The following MID1IP1 variants were observed in gnomAD, a reference collection of about 807,000 sequenced individuals.
The protein encoded by MID1IP1 is mid1-interacting protein 1.
MID1IP1 carries 3 observed loss-of-function variants against 6.8 expected under a neutral mutation model. The ratio of observed to expected loss-of-function variants is 0.44; its 90% CI spans 0.20 to 1.14. The LOEUF is 1.14. Among genes scored for constraint, MID1IP1 ranks in the 50% most tolerant of loss-of-function variants. MID1IP1 has a pLI of 0.26. For synonymous variants in MID1IP1, 87 were observed against 70.4 expected (o/e 1.24, Z -1.18); for missense variants, 127 against 158.4 (o/e 0.80, Z 1.06).
Position 38,805,481 on chromosome X carries a change from G to C in MID1IP1, c.535G>C (p.Gly179Arg), listed in dbSNP as rs751607387. 6 of 1,209,493 alleles carry C rather than the reference G, an allele frequency of 5.0e-6. No individual in the cohort carries two copies. Among genetic ancestry groups the C allele is most frequent in the Middle Eastern group, 2.3e-4 (1 of 4,342 alleles). The change falls in exon 3 of 3, where the codon GGC becomes CGC. Residue 179 changes from glycine (G) to arginine (R), a missense_variant. Gly to Arg is a moderately radical substitution (Grantham distance 125). Transcript: ENST00000614558. Reference protein sequence around the residue: ...TNRYKQEIGFGNWGH With the variant: ...TNRYKQEIGFRNWGH ...CAGATACAAGCAGGAGATCGGCTTCGGCAATTGGGGCCACTGAGGCGTGGC... is the reference window on the plus strand; with the variant it reads ...CAGATACAAGCAGGAGATCGGCTTCCGCAATTGGGGCCACTGAGGCGTGGC...
chrX:38,804,995 G>A lies in MID1IP1; in HGVS notation c.49G>A (p.Ala17Thr), dbSNP rs2070499233. The A allele has an allele frequency of 1.7e-6, 2 of 1,199,409 alleles. No individual in the cohort carries two copies. The highest frequency in any genetic ancestry group is 2.3e-6 in the Non-Finnish European group (2 of 887,037). Residue 17 changes from alanine to threonine, a missense_variant, in exon 3 of 3, where the codon GCC becomes ACC. Transcript: ENST00000614558. ...TYNQKHSLFN[A>T]MNRFIGAVNN... is the part of the protein sequence containing the mutation. ...CAACCAGAAGCACTCGCTCTTTAAC[G>A]CCATGAATCGCTTCATTGGCGCCGT... is the stretch of plus-strand genomic sequence containing the variant.
At position 38,805,477 on chromosome X, in the gene MID1IP1, C is replaced by T. The variant is rs1334248814; in HGVS notation, c.531C>T (p.Gly177=). 3.3e-6 allele frequency: 4 copies of T among 1,209,887 alleles called. No homozygotes were observed. The Admixed American group carries it at 8.7e-5, about 26-fold the overall frequency. ...ILTNRYKQEI[G]FGNWGH is the part of the protein sequence containing the mutation. ...CTAACAGATACAAGCAGGAGATCGG[C>T]TTCGGCAATTGGGGCCACTGAGGCG... Residue 177 remains glycine, a synonymous_variant, in exon 3 of 3, where the codon GGC becomes GGT. Transcript: ENST00000614558.
Position 38,804,892 on chromosome X carries a change from G to T in MID1IP1, c.-55G>T, listed in dbSNP as rs1403798263. On this transcript the variant is annotated 5_prime_UTR_variant, in exon 3 of 3. Transcript: ENST00000614558. The stretch of plus-strand genomic sequence containing the variant: ...GTGAAGGCGGGCATCCCCTTGACCC[G>T]GCCGACCATCCCCGTGCCCCTGCGT... 19 of 1,129,842 alleles carry T rather than the reference G, an allele frequency of 1.7e-5. No homozygotes were observed. The highest frequency in any genetic ancestry group is 2.2e-5 in the Non-Finnish European group (19 of 848,277). 93.1% of individuals were successfully genotyped at this position (1,129,842 alleles called of 1,213,427 possible).
intron 1 of MID1IP1, among the ~76,000 whole-genome samples, chrX:38,802,260 TAAAG>T (rs1200164374): frequency 8.9e-6 from 1 of 112,721 alleles, no homozygotes; most frequent in Non-Finnish European, 1.9e-5. Context: ...ATTTTTTTGA[TAAAG>T]AAACTGAGGC....
chrX:38,802,056 A>G (rs1415108158), intron 1 of MID1IP1, among the ~76,000 whole-genome samples: 1 of 111,877 alleles, frequency 8.9e-6, no homozygotes, highest in East Asian at 2.8e-4. Context: ...GGGTGGAAGG[A>G]TCTGTGGCTC....
chrX:38,805,159 C>G lies in MID1IP1; in HGVS notation c.213C>G (p.Pro71=). The part of the protein sequence containing the change: ...GCLEERTPPV[P]DSGSANGSFF... Reference sequence around the variant, plus strand: ...TGGAGGAGCGCACGCCCCCAGTCCCCGACTCGGGAAGCGCCAATGGCAGCT... The same window carrying G: ...TGGAGGAGCGCACGCCCCCAGTCCCGGACTCGGGAAGCGCCAATGGCAGCT... Residue 71 remains proline, a synonymous_variant, in exon 3 of 3, where the codon CCC becomes CCG. Transcript: ENST00000614558. 1 of 1,210,229 alleles carries G rather than the reference C, an allele frequency of 8.3e-7. No homozygotes were observed. Among genetic ancestry groups the G allele is most frequent in the South Asian group, 1.8e-5 (1 of 56,811 alleles).
chrX:38,805,083 C>G lies in MID1IP1; in HGVS notation c.137C>G (p.Pro46Arg). 8.3e-7 allele frequency: 1 copy of G among 1,211,589 alleles called. No homozygotes were observed. Among genetic ancestry groups the G allele is most frequent in the Non-Finnish European group, 1.1e-6 (1 of 895,254 alleles). ...CTGCGCGACGTGCCCCTGGCTGACC[C>G]CGGGTTAGACAACGATGTTGGCGTG... ...SLLRDVPLAD[P>R]GLDNDVGVEV... The change falls in exon 3 of 3, where the codon CCC (proline) becomes CGC (arginine). Residue 46 changes from proline to arginine, a missense_variant. Coordinates refer to ENST00000614558, the MANE Select transcript of MID1IP1 (RefSeq NM_021242.6).
chrX:38,805,574 T>C lies in MID1IP1; in HGVS notation c.*76T>C, dbSNP rs1356187068. 2 of 999,508 alleles carry C rather than the reference T, an allele frequency of 2.0e-6. No individual in the cohort carries two copies. The highest frequency in any genetic ancestry group is 4.0e-5 in the African/African-American group (2 of 49,971). 82.4% of individuals were successfully genotyped at this position (999,508 alleles called of 1,213,427 possible). On this transcript the variant is annotated 3_prime_UTR_variant, in exon 3 of 3. Transcript: ENST00000614558. ...TCTCATTCCTCAAAGCTTTTTTTTT[T>C]TTTCCTGGCTGGGGGGCGGGAAGGG...
rs2070491607 is a variant in MID1IP1, at chrX:38,804,427, C to G, written c.-265+14C>G. ...GCGCAAGAGGAGGTGGGTGCCCACG[C>G]CCCATCGCTGCCCCGGCCAGCTTGG... On this transcript the variant is annotated intron_variant, in intron 2 of 2. Coordinates refer to ENST00000614558, the MANE Select transcript of MID1IP1 (RefSeq NM_021242.6). The G allele has an allele frequency of 1.8e-5, 2 of 113,439 alleles. No homozygotes were observed. Among genetic ancestry groups the G allele is most frequent in the Non-Finnish European group, 3.7e-5 (2 of 54,097 alleles). The allele number at this position is 113,439 out of a possible 1,213,427, so 9.3% of individuals were successfully genotyped here.
intron 2 of MID1IP1, 23 bp from the exon 3 acceptor site, chrX:38,804,660 T>A (rs2070495599): frequency 3.3e-6 from 1 of 306,952 alleles, no homozygotes; most frequent in East Asian, 4.9e-5. Context: ...TAATCTGTTC[T>A]TTCGTCTCCG....
chrX:38,805,708 C>G lies in MID1IP1; in HGVS notation c.*210C>G. 2.2e-6 allele frequency: 1 copy of G among 456,923 alleles called. No individual in the cohort carries two copies. The highest frequency in any genetic ancestry group is 4.0e-5 in the Admixed American group (1 of 25,107). 37.7% of individuals were successfully genotyped at this position (456,923 alleles called of 1,213,427 possible). On this transcript the variant is annotated 3_prime_UTR_variant, in exon 3 of 3. Coordinates refer to ENST00000614558, the MANE Select transcript of MID1IP1 (RefSeq NM_021242.6). Reference sequence around the variant, plus strand: ...AAATGGTGGCCGGAGATGGGAGGGCCCAAGGAACCTCCTGGGAGGGGGCCT... The same window carrying G: ...AAATGGTGGCCGGAGATGGGAGGGCGCAAGGAACCTCCTGGGAGGGGGCCT...
At position 38,805,295 on chromosome X, in the gene MID1IP1, G is replaced by C. The variant is rs770642121; in HGVS notation, c.349G>C (p.Glu117Gln). Reference sequence around the variant, plus strand: ...GCCGCCTCCACCGGCTGGGAGCGAGGAGGGCAGTGCCTGGAAGTCCAAGGA... The same window carrying C: ...GCCGCCTCCACCGGCTGGGAGCGAGCAGGGCAGTGCCTGGAAGTCCAAGGA... ...HQPPPPAGSE[E>Q]GSAWKSKDIL... is the part of the protein sequence containing the mutation. Residue 117 changes from glutamate to glutamine, a missense_variant, in exon 3 of 3, where the codon GAG (glutamate) becomes CAG (glutamine). Glu to Gln is a conservative substitution (Grantham distance 29, BLOSUM62 2). Transcript: ENST00000614558. The C allele has an allele frequency of 4.1e-5, 49 of 1,204,117 alleles. No individual in the cohort carries two copies. Among genetic ancestry groups the C allele is most frequent in the Non-Finnish European group, 5.3e-5 (47 of 891,372 alleles).
Position 38,805,048 on chromosome X carries a change from G to T in MID1IP1, c.102G>T (p.Val34=). Residue 34 remains valine, a synonymous_variant, in exon 3 of 3, where the codon GTG becomes GTT. Coordinates refer to ENST00000614558, the MANE Select transcript of MID1IP1 (RefSeq NM_021242.6). ...ACAACATGGACCAGACGGTGATGGT[G>T]CCCAGCTTGCTGCGCGACGTGCCCC... ...AVNNMDQTVM[V]PSLLRDVPLA... 8.3e-7 allele frequency: 1 copy of T among 1,211,641 alleles called. No individual in the cohort carries two copies. Among genetic ancestry groups the T allele is most frequent in the Non-Finnish European group, 1.1e-6 (1 of 895,233 alleles).
Position 38,805,391 on chromosome X carries a change from T to C in MID1IP1, c.445T>C (p.Tyr149His). 1 of 1,208,324 alleles carries C rather than the reference T, an allele frequency of 8.3e-7. No homozygotes were observed. Among genetic ancestry groups the C allele is most frequent in the South Asian group, 1.8e-5 (1 of 56,774 alleles). ...AGAAGACCTGGAACAGCAGTTCCACTACCACCTGCGCGGGCTGCACACTGT... is the reference window on the plus strand; with the variant it reads ...AGAAGACCTGGAACAGCAGTTCCACCACCACCTGCGCGGGCTGCACACTGT... ...GEEDLEQQFH[Y>H]HLRGLHTVLS... Residue 149 changes from tyrosine to histidine, a missense_variant, in exon 3 of 3, where the codon TAC (tyrosine) becomes CAC (histidine). Tyr to His is a moderately conservative substitution (Grantham distance 83). Coordinates refer to ENST00000614558, the MANE Select transcript of MID1IP1 (RefSeq NM_021242.6).
In MID1IP1 at chrX:38,802,795, G is replaced by A. The variant is rs1197706752; in HGVS notation, c.-1883G>A. The A allele has an allele frequency of 1.8e-5, 2 of 110,677 alleles. No individual in the cohort carries two copies. The highest frequency in any genetic ancestry group is 1.9e-4 in the Admixed American group (2 of 10,483). The allele number at this position is 110,677 out of a possible 1,213,427, so 9.1% of individuals were successfully genotyped here. A position where few individuals can be genotyped will look rare whatever the true frequency, so the allele number is the denominator to read the frequency against. ...GACAGAGTCTTGCTCTGTCGCCCAGGCTGGAGTGCAGTGGCACGATCTCGG... is the reference window on the plus strand; with the variant it reads ...GACAGAGTCTTGCTCTGTCGCCCAGACTGGAGTGCAGTGGCACGATCTCGG... On this transcript the variant is annotated 5_prime_UTR_variant, in exon 2 of 3. Coordinates refer to ENST00000614558, the MANE Select transcript of MID1IP1 (RefSeq NM_021242.6).
rs755767509 is a variant in MID1IP1 at position 38,805,507 on chromosome X, GC to G, written c.*12del. 33 of 1,188,218 alleles carry G rather than the reference GC, an allele frequency of 2.8e-5. No homozygotes were observed. Among genetic ancestry groups the G allele is most frequent in the Non-Finnish European group, 3.5e-5 (31 of 878,862 alleles). On this transcript the variant is annotated 3_prime_UTR_variant, in exon 3 of 3. Coordinates refer to ENST00000614558, the MANE Select transcript of MID1IP1 (RefSeq NM_021242.6). ...GCAATTGGGGCCACTGAGGCGTGGC[GC>G]CCGTGGCTGCCCAGCACCTTCTTCG... is the stretch of plus-strand genomic sequence containing the variant.
At position 38,804,782 on chromosome X, in the gene MID1IP1, A is replaced by G. The variant is rs950595535; in HGVS notation, c.-165A>G. 1 of 521,124 alleles carries G rather than the reference A, an allele frequency of 1.9e-6. No homozygotes were observed. Among genetic ancestry groups the G allele is most frequent in the Non-Finnish European group, 3.0e-6 (1 of 337,191 alleles). The allele number at this position is 521,124 out of a possible 1,213,427, so 42.9% of individuals were successfully genotyped here. A position where few individuals can be genotyped will look rare whatever the true frequency, so the allele number is the denominator to read the frequency against. ...CCCGCAGGGCCGGTCTGCCAGCGAG[A>G]CGAGAGTTGGCGAGGGCGGAGGAGT... On this transcript the variant is annotated 5_prime_UTR_variant, in exon 3 of 3. Transcript: ENST00000614558.
chrX:38,804,991 T>A lies in MID1IP1; in HGVS notation c.45T>A (p.Phe15Leu). Residue 15 changes from phenylalanine (F) to leucine (L), a missense_variant, in exon 3 of 3, where the codon TTT (phenylalanine) becomes TTA (leucine). Coordinates refer to ENST00000614558, the MANE Select transcript of MID1IP1 (RefSeq NM_021242.6). ...CDTYNQKHSL[F>L]NAMNRFIGAV... ...CCTACAACCAGAAGCACTCGCTCTT[T>A]AACGCCATGAATCGCTTCATTGGCG... 1 of 1,197,176 alleles carries A rather than the reference T, an allele frequency of 8.4e-7. No individual in the cohort carries two copies. Among genetic ancestry groups the A allele is most frequent in the Non-Finnish European group, 1.1e-6 (1 of 885,581 alleles).
In MID1IP1 at chrX:38,805,481, G is replaced by T; in HGVS notation, c.535G>T (p.Gly179Cys). Reference sequence around the variant, plus strand: ...CAGATACAAGCAGGAGATCGGCTTCGGCAATTGGGGCCACTGAGGCGTGGC... The same window carrying T: ...CAGATACAAGCAGGAGATCGGCTTCTGCAATTGGGGCCACTGAGGCGTGGC... ...TNRYKQEIGF[G>C]NWGH The change falls in exon 3 of 3, where the codon GGC (glycine) becomes TGC (cysteine). Residue 179 changes from glycine to cysteine, a missense_variant. Gly to Cys is a radical substitution (Grantham distance 159). Transcript: ENST00000614558. 4 of 1,209,492 alleles carry T rather than the reference G, an allele frequency of 3.3e-6. No homozygotes were observed. The highest frequency in any genetic ancestry group is 4.5e-6 in the Non-Finnish European group (4 of 894,901).
Sources: allele counts gnomAD v4.1 joint callset (sites outside exome capture counted in the v4.1 genomes callset), GRCh38; gene constraint gnomAD v4.1.1; transcripts MANE v1.5; gene names NCBI Gene and HGNC (gene_info 2026-07-23, HGNC 2026-07-21).